Variants in NDUFS1 observed in about 807,000 individuals in gnomAD.
NDUFS1 encodes the protein NADH:ubiquinone oxidoreductase core subunit S1.
NDUFS1 carries 61 observed loss-of-function variants against 84.4 expected under a neutral mutation model. The ratio of observed to expected loss-of-function variants is 0.72; its 90% CI spans 0.59 to 0.89. The LOEUF (loss-of-function observed/expected upper bound fraction) is 0.89, where lower values mean the gene tolerates loss of function less well. Ranked by LOEUF, NDUFS1 falls within the 40% of genes least tolerant of loss-of-function variation. The pLI is 0.00. For synonymous variants in NDUFS1, 275 were observed against 290.0 expected (o/e 0.95, Z 0.53); for missense variants, 891 against 890.0 (o/e 1.00, Z -0.01).
chr2:206,149,044 T>A lies in NDUFS1; in HGVS notation c.314A>T (p.Asn105Ile). Residue 105 changes from asparagine to isoleucine, a missense_variant, in exon 5 of 19, where the codon AAC becomes ATC. Transcript: ENST00000233190. ...CCTGGCTTTTTTGGATTTTTCTGAGTTTGTTAGGATATTCCAACCCTTCAT... is the reference window on the plus strand; with the variant it reads ...CCTGGCTTTTTTGGATTTTTCTGAGATTGTTAGGATATTCCAACCCTTCAT... The part of the protein sequence containing the change: ...PVMKGWNILT[N>I]SEKSKKAREG... The A allele has an allele frequency of 2.5e-6, 4 of 1,613,380 alleles. No homozygotes were observed. Among genetic ancestry groups the A allele is most frequent in the Non-Finnish European group, 3.4e-6 (4 of 1,179,554 alleles).
intron 9 of NDUFS1, among the ~76,000 whole-genome samples, chr2:206,144,434 ATCTG>A (rs369231634): frequency 1.6e-4 from 24 of 152,374 alleles, no homozygotes; most frequent in African/African-American, 4.1e-4. Flanking sequence ...ACACAAAAAA[ATCTG>A]ACAGCTAAAA....
Position 206,147,744 on chromosome 2 carries a change from A to G in NDUFS1, c.420+9T>C. On this transcript the variant is annotated intron_variant, in intron 6 of 18. Coordinates refer to ENST00000233190, the MANE Select transcript of NDUFS1 (RefSeq NM_005006.7). ...CAACCAAAAAGATTGACAGAATTCTACTACATACCTGCAGATCACATTCAC... is the reference window on the plus strand; with the variant it reads ...CAACCAAAAAGATTGACAGAATTCTGCTACATACCTGCAGATCACATTCAC... The G allele has an allele frequency of 6.2e-7, 1 of 1,613,958 alleles. No homozygotes were observed. The highest frequency in any genetic ancestry group is 8.5e-7 in the Non-Finnish European group (1 of 1,179,860).
chr2:206,142,646 A>C, intron 11 of NDUFS1, 40 bp downstream of exon 11: 1 of 1,612,416 alleles, frequency 6.2e-7, no homozygotes, highest in South Asian at 1.1e-5. Context: ...GTAACTAAAA[A>C]AAGAAAGGAA....
At position 206,153,623 on chromosome 2, in the gene NDUFS1, C is replaced by T; in HGVS notation, c.56G>A (p.Gly19Glu). Reference sequence around the variant, plus strand: ...AAATTTAAGAAAATACTCACCACATCCTTTAGGAGACTTAGAAAGGCCTAC... The same window carrying T: ...AAATTTAAGAAAATACTCACCACATTCTTTAGGAGACTTAGAAAGGCCTAC... ...ALVGLSKSPKGCVRTTATAAS... is the reference protein window; with the variant it reads ...ALVGLSKSPKECVRTTATAAS... Residue 19 changes from glycine (G) to glutamate (E), a missense_variant, in exon 2 of 19, where the codon GGA (glycine) becomes GAA (glutamate). Gly to Glu is a moderately conservative substitution (Grantham distance 98, BLOSUM62 -2). Transcript: ENST00000233190. 6.5e-7 allele frequency: 1 copy of T among 1,537,912 alleles called. No homozygotes were observed. The highest frequency in any genetic ancestry group is 9.0e-7 in the Non-Finnish European group (1 of 1,111,798).
intron 18 of NDUFS1, among the ~76,000 whole-genome samples, chr2:206,125,766 C>T (rs1460592056): frequency 2.0e-5 from 3 of 152,052 alleles, no homozygotes; most frequent in South Asian, 4.2e-4. Context: ...AGGAATTAAG[C>T]CCAGTACCCA....
intron 1 of NDUFS1, 144 bp downstream of exon 1, chr2:206,159,197 G>T: frequency 6.6e-7 from 1 of 1,514,910 alleles, no homozygotes; most frequent in Admixed American, 2.0e-5. Context: ...CGGCTCTCAG[G>T]GGCTTCCGAG....
rs1409901454 is a variant in NDUFS1 at position 206,115,097 on chromosome 2, CTT to C, written c.*9086_*9087del. ...ATGACAAACATTGCAAATGTACATC[CTT>C]TGTCTCATGATGAATCATGCCTTGA... On this transcript the variant is annotated 3_prime_UTR_variant, in exon 19 of 19. Transcript: ENST00000233190. The C allele has an allele frequency of 5.3e-5, 8 of 152,156 alleles. No homozygotes were observed. The highest frequency in any genetic ancestry group is 1.2e-4 in the Non-Finnish European group (8 of 68,028). The allele number at this position is 152,156 out of a possible 1,614,324, so 9.4% of individuals were successfully genotyped here. A position where few individuals can be genotyped will look rare whatever the true frequency, so the allele number is the denominator to read the frequency against.
chr2:206,141,551 A>T (rs35825095), intron 12 of NDUFS1, among the ~76,000 whole-genome samples: 9,220 of 141,512 alleles, frequency 0.065, 364 homozygotes, highest in East Asian at 0.17. Context: ...AAAATAAAAA[A>T]TAAAAATAAA....
chr2:206,120,047 C>G lies in NDUFS1; in HGVS notation c.*4138G>C, dbSNP rs1309120116. The G allele has an allele frequency of 6.6e-6, 1 of 152,114 alleles. No homozygotes were observed. Among genetic ancestry groups the G allele is most frequent in the Non-Finnish European group, 1.5e-5 (1 of 68,050 alleles). 9.4% of individuals were successfully genotyped at this position (152,114 alleles called of 1,614,324 possible). A position where few individuals can be genotyped will look rare whatever the true frequency, so the allele number is the denominator to read the frequency against. On this transcript the variant is annotated 3_prime_UTR_variant, in exon 19 of 19. Transcript: ENST00000233190. ...GGTTGTTTAGAGTCTGGGACCTCCTCCTCTCTCTTGCTCCCTCTCTCACCA... is the reference window on the plus strand; with the variant it reads ...GGTTGTTTAGAGTCTGGGACCTCCTGCTCTCTCTTGCTCCCTCTCTCACCA...
intron 11 of NDUFS1, 114 bp from the exon 12 acceptor site, chr2:206,142,183 GA>G: frequency 1.1e-6 from 1 of 870,420 alleles, no homozygotes; most frequent in Non-Finnish European, 1.8e-6. Context: ...AAAATTTTAT[GA>G]AGTATTTCTA....
chr2:206,141,095 G>A (rs1384029829), intron 12 of NDUFS1, among the ~76,000 whole-genome samples: 1 of 151,886 alleles, frequency 6.6e-6, no homozygotes, highest in South Asian at 2.1e-4. Flanking sequence ...TAAAAGACTC[G>A]CAAGGAGAGG....
rs577904073 is a variant in NDUFS1, at chr2:206,156,262, CAAAAAAA to C, written c.-4-2587_-4-2581del. On this transcript the variant is annotated intron_variant, in intron 1 of 18. Transcript: ENST00000233190. Reference sequence around the variant, plus strand: ...TGGGCGACAGAGCAACACTCTGTCTCAAAAAAAAAAAAAAAAAAAATGCAAATTGGAC... The same window carrying C: ...TGGGCGACAGAGCAACACTCTGTCTCAAAAAAAAAAAAATGCAAATTGGAC... Among the ~76,000 whole-genome samples, 24 of 94,096 alleles carry C rather than the reference CAAAAAAA, an allele frequency of 2.6e-4. No homozygotes were observed. The South Asian group carries it at 8.5e-3, about 33-fold the overall frequency. The allele number at this position is 94,096 out of a possible 152,430, so 61.7% of individuals were successfully genotyped here. A position where few individuals can be genotyped will look rare whatever the true frequency, so the allele number is the denominator to read the frequency against.
Position 206,138,562 on chromosome 2 carries a change from T to G in NDUFS1, c.1315A>C (p.Thr439Pro), listed in dbSNP as rs746665040. Residue 439 changes from threonine to proline, a missense_variant, in exon 13 of 19, where the codon ACT becomes CCT. By Grantham distance (38) the Thr-to-Pro change is conservative. Transcript: ENST00000233190. ...VALIGSPVDLTYTYDHLGDSP... is the reference protein window; with the variant it reads ...VALIGSPVDLPYTYDHLGDSP... ...TCTCCCAGGTGGTCATATGTGTAAG[T>G]GAGGTCCACTGGACTGCCTATAAGG... is the stretch of plus-strand genomic sequence containing the variant. 6.2e-7 allele frequency: 1 copy of G among 1,613,816 alleles called. No homozygotes were observed. The highest frequency in any genetic ancestry group is 2.2e-5 in the East Asian group (1 of 44,844).
At chr2:206,152,701 TTC>T (rs1266131340) in intron 2 of NDUFS1, among the ~76,000 whole-genome samples, 191 bp from the exon 3 acceptor site, 3 of 137,544 alleles carry the variant, frequency 2.2e-5, no homozygotes, top group Non-Finnish European at 3.0e-5. Flanking sequence ...TTCTTTCTTC[TTC>T]TTTTTTTTTT....
chr2:206,140,668 T>C (rs1335628594), intron 12 of NDUFS1, among the ~76,000 whole-genome samples: 12 of 151,514 alleles, frequency 7.9e-5, no homozygotes, highest in Admixed American at 5.3e-4. Flanking sequence ...TTAGTAGAGA[T>C]GGGTTTCTCC....
Position 206,147,555 on chromosome 2 carries a change from C to T in NDUFS1, c.527G>A (p.Cys176Tyr). 6.2e-7 allele frequency: 1 copy of T among 1,614,124 alleles called. No individual in the cohort carries two copies. Among genetic ancestry groups the T allele is most frequent in the Middle Eastern group, 1.6e-4 (1 of 6,062 alleles). Residue 176 changes from cysteine (C) to tyrosine (Y), a missense_variant, in exon 7 of 19, where the codon TGT (cysteine) becomes TAT (tyrosine). Physicochemically the swap from Cys to Tyr is radical, Grantham distance 194. Transcript: ENST00000233190. ...GPLVKTIMTR[C>Y]IQCTRCIRFA... ...CCTGATGCAGCGAGTACACTGTATA[C>T]ATCTTGTCATGATGGTCTTTACCAA...
At chr2:206,126,169 A>G (rs1374284197) in intron 18 of NDUFS1, among the ~76,000 whole-genome samples, 1 of 152,224 alleles carries the variant, frequency 6.6e-6, no homozygotes, top group African/African-American at 2.4e-5. Context: ...CATCAGAAGC[A>G]CTGTTTAACA....
intron 13 of NDUFS1, among the ~76,000 whole-genome samples, chr2:206,135,541 C>T (rs1258779767): frequency 1.3e-5 from 2 of 151,866 alleles, no homozygotes; most frequent in Non-Finnish European, 2.9e-5. Context: ...GGCATGGTGG[C>T]GTGCGCCTGT....
At chr2:206,156,612 C>T (rs1165674339) in intron 1 of NDUFS1, among the ~76,000 whole-genome samples, 3 of 151,574 alleles carry the variant, frequency 2.0e-5, no homozygotes, top group African/African-American at 4.8e-5. Context: ...GTGATTAGAA[C>T]GTATTAAAAA....
Sources: gnomAD v4.1 joint callset for allele counts (sites outside exome capture counted in the v4.1 genomes callset) on GRCh38, gnomAD v4.1.1 for gene constraint, MANE v1.5 for transcripts, NCBI Gene and HGNC (gene_info 2026-07-23, HGNC 2026-07-21) for gene names.